SMAP1: variants seen among roughly 807,000 people sequenced by gnomAD.
The protein encoded by SMAP1 is small ArfGAP 1.
In SMAP1, 24 loss-of-function variants were observed where a neutral mutation model predicts 58.5. The observed-to-expected ratio is 0.41, with a 90% CI of 0.30 to 0.58. The LOEUF (loss-of-function observed/expected upper bound fraction) is 0.58. Ranked by LOEUF, SMAP1 falls within the 20% of genes least tolerant of loss-of-function variation. The pLI is 0.29. For missense variants in SMAP1, 563 were observed against 566.3 expected, an observed-to-expected ratio of 0.99 and a Z score of 0.06; for synonymous variants, 216 against 196.6, an observed-to-expected ratio of 1.10 and a Z score of -0.82.
In SMAP1 at chr6:70,668,715, C is replaced by T. The variant is rs956873235; in HGVS notation, c.118+574C>T. 34 of 1,535,858 alleles carry T rather than the reference C, an allele frequency of 2.2e-5. No individual in the cohort carries two copies. The African/African-American group carries it at 4.0e-4, about 18-fold the overall frequency. Reference sequence around the variant, plus strand: ...TGAAAAAGAGTATGGTGGTCTTTTTCGGTGGGTTTGAGTTTTACGGAATAA... The same window carrying T: ...TGAAAAAGAGTATGGTGGTCTTTTTTGGTGGGTTTGAGTTTTACGGAATAA... On this transcript the variant is annotated intron_variant, in intron 1 of 10. Coordinates refer to ENST00000370455, the MANE Select transcript of SMAP1 (RefSeq NM_001044305.3).
intron 4 of SMAP1, among the ~76,000 whole-genome samples, chr6:70,778,569 T>C (rs2149921598): frequency 6.6e-6 from 1 of 152,368 alleles, no homozygotes. Flanking sequence ...CAGTTGATCA[T>C]GAGCAGATTG....
chr6:70,833,486 A>ACT (rs1770446567), intron 6 of SMAP1, among the ~76,000 whole-genome samples: 1 of 152,158 alleles, frequency 6.6e-6, no homozygotes, highest in Non-Finnish European at 1.5e-5. Flanking sequence ...TCAGATGCCA[A>ACT]CTCTAAGGAT....
chr6:70,769,518 G>T (rs2149908258), intron 3 of SMAP1, among the ~76,000 whole-genome samples: 1 of 152,202 alleles, frequency 6.6e-6, no homozygotes, highest in East Asian at 1.9e-4. Context: ...GGCCTTCTTT[G>T]TCTCTTTTGA....
At chr6:70,832,274 T>A (rs1770391735) in intron 6 of SMAP1, among the ~76,000 whole-genome samples, 1 of 152,194 alleles carries the variant, frequency 6.6e-6, no homozygotes, top group African/African-American at 2.4e-5. Context: ...GAGGTCCCAT[T>A]TGTCAATTTT....
At chr6:70,725,350 T>A (rs1371643842) in intron 1 of SMAP1, among the ~76,000 whole-genome samples, 2 of 151,850 alleles carry the variant, frequency 1.3e-5, no homozygotes, top group Non-Finnish European at 2.9e-5. Context: ...TCTCCTGACC[T>A]CGTGATCTAC....
At chr6:70,768,879 T>C (rs1000945765) in intron 3 of SMAP1, among the ~76,000 whole-genome samples, 2 of 152,218 alleles carry the variant, frequency 1.3e-5, no homozygotes, top group Non-Finnish European at 2.9e-5. Context: ...CTTTCTCTTG[T>C]GGGCATTTAG....
intron 3 of SMAP1, among the ~76,000 whole-genome samples, chr6:70,760,257 T>A (rs1335181204): frequency 2.6e-5 from 4 of 152,168 alleles, no homozygotes; most frequent in African/African-American, 4.8e-5. Flanking sequence ...ACTATATATT[T>A]GCTGTTGTTA....
chr6:70,859,148 A>G, intron 10 of SMAP1: 1 of 519,250 alleles, frequency 1.9e-6, no homozygotes, highest in Admixed American at 3.7e-5. Flanking sequence ...TATATATCAC[A>G]GTTAATTTTG....
intron 1 of SMAP1, among the ~76,000 whole-genome samples, chr6:70,669,495 A>G (rs921802848): frequency 6.6e-6 from 1 of 152,224 alleles, no homozygotes; most frequent in African/African-American, 2.4e-5. Context: ...GATTATATTT[A>G]TCCTATGTAA....
chr6:70,830,542 G>A (rs2149991740), intron 6 of SMAP1, among the ~76,000 whole-genome samples: 1 of 152,264 alleles, frequency 6.6e-6, no homozygotes. Flanking sequence ...ATGCTACAGA[G>A]CAAAAGTACA....
At chr6:70,831,805 A>G (rs1322034598) in intron 6 of SMAP1, among the ~76,000 whole-genome samples, 1 of 152,200 alleles carries the variant, frequency 6.6e-6, no homozygotes, top group Non-Finnish European at 1.5e-5. Context: ...GTTGGGTCAA[A>G]TGGTAATTCC....
intron 1 of SMAP1, among the ~76,000 whole-genome samples, chr6:70,723,772 T>C (rs1297616343): frequency 6.6e-6 from 1 of 152,208 alleles, no homozygotes; most frequent in Admixed American, 6.5e-5. Context: ...TGTGCTGCTA[T>C]TCTGAGTTTG....
At chr6:70,723,111 T>C (rs557235227) in intron 1 of SMAP1, among the ~76,000 whole-genome samples, 1 of 152,324 alleles carries the variant, frequency 6.6e-6, no homozygotes, top group South Asian at 2.1e-4. Context: ...CTCTTTTGTT[T>C]GTTTGTTTGG....
intron 1 of SMAP1, among the ~76,000 whole-genome samples, chr6:70,689,997 G>A (rs1014173186): frequency 3.9e-5 from 6 of 151,986 alleles, no homozygotes; most frequent in Non-Finnish European, 8.8e-5. Context: ...TATCATCCTC[G>A]AATAAAGGCA....
At chr6:70,762,439 G>C (rs181153651) in intron 3 of SMAP1, among the ~76,000 whole-genome samples, 4 of 152,202 alleles carry the variant, frequency 2.6e-5, no homozygotes. Context: ...ATAAATAACT[G>C]TTTCTTTAGG....
chr6:70,702,246 G>A (rs1354445105), intron 1 of SMAP1, among the ~76,000 whole-genome samples: 1 of 120,324 alleles, frequency 8.3e-6, no homozygotes, highest in East Asian at 2.1e-4. Context: ...TGGTTCTATG[G>A]GTTTATAGTT....
At chr6:70,687,246 A>G (rs932177801) in intron 1 of SMAP1, among the ~76,000 whole-genome samples, 4 of 152,072 alleles carry the variant, frequency 2.6e-5, no homozygotes, top group East Asian at 1.9e-4. Flanking sequence ...GAGGATTATC[A>G]TTTTCATGAA....
At chr6:70,793,925 G>A (rs1037850992) in intron 5 of SMAP1, among the ~76,000 whole-genome samples, 3 of 152,004 alleles carry the variant, frequency 2.0e-5, no homozygotes, top group African/African-American at 7.3e-5. Context: ...TAGAGATAGG[G>A]TTTCTCTGTG....
chr6:70,787,307 A>G (rs1768092880), intron 4 of SMAP1, among the ~76,000 whole-genome samples: 1 of 152,334 alleles, frequency 6.6e-6, no homozygotes, highest in African/African-American at 2.4e-5. Context: ...TTCAAGATGG[A>G]TTAAAGACTT....
Sources: gnomAD v4.1 joint callset for allele counts (sites outside exome capture counted in the v4.1 genomes callset) on GRCh38, gnomAD v4.1.1 for gene constraint, MANE v1.5 for transcripts, NCBI Gene and HGNC (gene_info 2026-07-23, HGNC 2026-07-21) for gene names.